The following PCNT variants were observed in gnomAD, a reference collection of about 807,000 sequenced individuals.
PCNT encodes pericentrin.
Under a neutral mutation model 380.4 loss-of-function variants are expected in PCNT, and 319 were observed. That is an observed-to-expected ratio of 0.84 (90% CI 0.77 to 0.92). The LOEUF (loss-of-function observed/expected upper bound fraction) is 0.92, where lower values mean the gene tolerates loss of function less well. PCNT is among the 40% of genes least tolerant of loss of function. The probability of loss-of-function intolerance (pLI) is 0.00; values close to 1 mark genes in which losing one functional copy is unlikely to be tolerated. For missense variants in PCNT, 4,400 were observed against 4,255.3 expected (o/e 1.03, Z -0.95); for synonymous variants, 1,845 against 1,735.2 (o/e 1.06, Z -1.57).
intron 26 of PCNT, 128 bp downstream of exon 26, chr21:46,401,849 C>CT (rs1000907399): frequency 1.2e-4 from 108 of 909,980 alleles, no homozygotes; most frequent in African/African-American, 3.5e-4. Flanking sequence ...CTTTTCTTTT[C>CT]TTTTTTTTGT....
intron 29 of PCNT, among the ~76,000 whole-genome samples, chr21:46,413,221 C>CGCG (rs2086864215): frequency 7.9e-6 from 1 of 127,320 alleles, no homozygotes; most frequent in Admixed American, 7.6e-5. Context: ...AGGCTGGACA[C>CGCG]GCAGCAGCAA....
intron 24 of PCNT, among the ~76,000 whole-genome samples, chr21:46,399,375 G>C (rs78147301): frequency 3.3e-5 from 1 of 30,456 alleles, no homozygotes; most frequent in African/African-American, 2.1e-4. Flanking sequence ...CTGTGGGTCT[G>C]GGTCTCTCTG....
At chr21:46,341,618 C>T (rs542485039) in intron 3 of PCNT, among the ~76,000 whole-genome samples, 10 of 151,970 alleles carry the variant, frequency 6.6e-5, no homozygotes, top group African/African-American at 1.7e-4. Context: ...TCTCCTGCCT[C>T]GGCCTCCCAA....
intron 14 of PCNT, among the ~76,000 whole-genome samples, chr21:46,365,306 TATTCACTGCCATGGG>T: frequency 6.8e-6 from 1 of 146,154 alleles, no homozygotes; most frequent in Non-Finnish European, 1.5e-5. Flanking sequence ...CATGGGGTTC[TATTCACTGCCATGGG>T]GTTCTATTCA....
At position 46,440,197 on chromosome 21, in the gene PCNT, G is replaced by A. The variant is rs563489032; in HGVS notation, c.9388G>A (p.Val3130Ile). Residue 3130 changes from valine (V) to isoleucine (I), a missense_variant, in exon 42 of 47, where the codon GTC (valine) becomes ATC (isoleucine). Transcript: ENST00000359568. ...AASEEAHTSN[V>I]KMEKLYLHYL... Reference sequence around the variant, plus strand: ...CAGCGAGGAAGCACACACCAGCAATGTCAAGGTAGGAACGGTGCCACGAGT... The same window carrying A: ...CAGCGAGGAAGCACACACCAGCAATATCAAGGTAGGAACGGTGCCACGAGT... The A allele has an allele frequency of 1.1e-5, 18 of 1,614,014 alleles. No individual in the cohort carries two copies. Among genetic ancestry groups the A allele is most frequent in the Non-Finnish European group, 1.4e-5 (17 of 1,180,054 alleles).
rs1011417842 is a variant in PCNT, at chr21:46,326,576, C to T, written c.254C>T (p.Ala85Val). The T allele has an allele frequency of 3.1e-6, 5 of 1,613,688 alleles. No homozygotes were observed. The African/African-American group carries it at 4.0e-5, about 13-fold the overall frequency. The part of the protein sequence containing the change: ...CDDTPDGAGG[A>V]FAAQPEDCDG... ...GACACCCCTGATGGGGCAGGAGGGGCCTTTGCAGCTCAGGTAGATTTGCTC... is the reference window on the plus strand; with the variant it reads ...GACACCCCTGATGGGGCAGGAGGGGTCTTTGCAGCTCAGGTAGATTTGCTC... The change falls in exon 2 of 47, where the codon GCC becomes GTC. Residue 85 changes from alanine (A) to valine (V), a missense_variant. Ala to Val is a moderately conservative substitution (Grantham distance 64). Transcript: ENST00000359568.
At chr21:46,432,412 C>T (rs2087808456) in intron 38 of PCNT, among the ~76,000 whole-genome samples, 197 bp downstream of exon 38, 1 of 152,242 alleles carries the variant, frequency 6.6e-6, no homozygotes. Flanking sequence ...AGTGTGAGTT[C>T]TCCAACTTCG....
Position 46,367,084 on chromosome 21 carries a change from A to C in PCNT, c.3110A>C (p.Glu1037Ala). ...LQSVRDHLRT[E>A]VSTELAGTVA... The stretch of plus-strand genomic sequence containing the variant: ...TCTGTGCGGGACCACCTGCGAACCG[A>C]AGTGAGCACAGAGCTCGCCGGAACC... Residue 1037 changes from glutamate (E) to alanine (A), a missense_variant, in exon 15 of 47, where the codon GAA (glutamate) becomes GCA (alanine). Physicochemically the swap from Glu to Ala is moderately radical, Grantham distance 107. Transcript: ENST00000359568. 6.2e-7 allele frequency: 1 copy of C among 1,613,844 alleles called. No individual in the cohort carries two copies. Among genetic ancestry groups the C allele is most frequent in the Non-Finnish European group, 8.5e-7 (1 of 1,180,002 alleles).
intron 29 of PCNT, among the ~76,000 whole-genome samples, chr21:46,415,317 C>T (rs1172185257): frequency 1.3e-5 from 2 of 151,456 alleles, no homozygotes; most frequent in Non-Finnish European, 1.5e-5. Context: ...CTTCGCATCT[C>T]CTGCGGCAAA....
intron 45 of PCNT, 43 bp from the exon 46 acceptor site, chr21:46,444,647 CTTTT>C (rs3058084): frequency 0.027 from 38,916 of 1,428,554 alleles, 1 homozygote; most frequent in Non-Finnish European, 0.03. Context: ...AAACTCAACT[CTTTT>C]TTTTTTTTTT....
rs576805079 is a variant in PCNT, at chr21:46,426,580, TCTC to T, written c.7320+615_7320+617del. Among the ~76,000 whole-genome samples the T allele has an allele frequency of 3.8e-3, 585 of 152,154 alleles. 4 individuals are homozygous for T. The highest frequency in any genetic ancestry group is 0.013 in the African/African-American group (558 of 41,512). On this transcript the variant is annotated intron_variant, in intron 33 of 46. Transcript: ENST00000359568. Reference sequence around the variant, plus strand: ...ATTCCAGCACTTGTCCCCCAGGGCCTCTCCTCCTGCCACTCGGGTGACTTGCCC... The same window carrying T: ...ATTCCAGCACTTGTCCCCCAGGGCCTCTCCTGCCACTCGGGTGACTTGCCC...
At chr21:46,347,944 C>T (rs1043841777) in intron 6 of PCNT, among the ~76,000 whole-genome samples, 2 of 152,144 alleles carry the variant, frequency 1.3e-5, no homozygotes, top group African/African-American at 4.8e-5. Context: ...TCACTGGGGA[C>T]CACAGGTAGC....
In PCNT at chr21:46,360,024, T is replaced by G. The variant is rs781776330; in HGVS notation, c.2154+2833T>G. 9.9e-5 allele frequency among the ~76,000 whole-genome samples: 15 copies of G among 151,060 alleles called. No individual in the cohort carries two copies. The East Asian group carries it at 3.0e-3, about 30-fold the overall frequency. On this transcript the variant is annotated intron_variant, in intron 13 of 46. Transcript: ENST00000359568. ...GGTGCACACTACCGTGCTGAGCTAA[T>G]TTTTGTATTTTTTGTAGAGATGAGG...
Position 46,436,063 on chromosome 21 carries a change from C to G in PCNT, c.8911C>G (p.Gln2971Glu), listed in dbSNP as rs760410794. The G allele has an allele frequency of 1.9e-6, 3 of 1,613,562 alleles. No homozygotes were observed. Among genetic ancestry groups the G allele is most frequent in the South Asian group, 1.1e-5 (1 of 91,084 alleles). The change falls in exon 39 of 47, where the codon CAG becomes GAG. Residue 2971 changes from glutamine to glutamate, a missense_variant. Coordinates refer to ENST00000359568, the MANE Select transcript of PCNT (RefSeq NM_006031.6). ...CTCGGATGCGGACCACCTCCGGGAA[C>G]AGCAGCGAGAGCTGGAGGCGATGAG... The part of the protein sequence containing the change: ...AGSDADHLRE[Q>E]QRELEAMRQR...
intron 1 of PCNT, 70 bp downstream of exon 1, chr21:46,324,352 C>G (rs1400184033): frequency 7.9e-7 from 1 of 1,268,324 alleles, no homozygotes; most frequent in African/African-American, 1.5e-5. Flanking sequence ...GTGCCCGCCA[C>G]CGCCCCCTGC....
At chr21:46,404,394 C>A (rs897706828) in intron 27 of PCNT, among the ~76,000 whole-genome samples, 1 of 139,908 alleles carries the variant, frequency 7.1e-6, no homozygotes, top group African/African-American at 2.5e-5. Context: ...GTTGTTATTA[C>A]CATTTCCACC....
chr21:46,341,844 A>G (rs905281012), intron 3 of PCNT, among the ~76,000 whole-genome samples: 1 of 151,914 alleles, frequency 6.6e-6, no homozygotes. Flanking sequence ...ATGCCTGGCA[A>G]ATTTTTAAAT....
chr21:46,426,276 C>G (rs1176499549), intron 33 of PCNT, among the ~76,000 whole-genome samples: 1 of 152,028 alleles, frequency 6.6e-6, no homozygotes, highest in Non-Finnish European at 1.5e-5. Flanking sequence ...TTGTGATCCA[C>G]CCGCCTCAGC....
rs2087571616 is a variant in PCNT at position 46,427,794 on chromosome 21, A to C, written c.7493A>C (p.Gln2498Pro). ...LERLEKIIRE[Q>P]GDLQEKSLEH... ...AGGCTGGAGAAGATCATCCGTGAGC[A>C]GGTGAGTGTCAGCTCTGCCACCAGG... Residue 2498 changes from glutamine (Q) to proline (P), a missense_variant and splice_region_variant, in exon 34 of 47, where the codon CAG becomes CCG. Gln to Pro is a moderately conservative substitution (Grantham distance 76). Coordinates refer to ENST00000359568, the MANE Select transcript of PCNT (RefSeq NM_006031.6). 2 of 1,613,322 alleles carry C rather than the reference A, an allele frequency of 1.2e-6. No individual in the cohort carries two copies. The highest frequency in any genetic ancestry group is 1.7e-6 in the Non-Finnish European group (2 of 1,180,006).
Sources: allele counts gnomAD v4.1 joint callset (sites outside exome capture counted in the v4.1 genomes callset), GRCh38; gene constraint gnomAD v4.1.1; transcripts MANE v1.5; gene names NCBI Gene and HGNC (gene_info 2026-07-23, HGNC 2026-07-21).